Variants in HPSE2 observed in about 807,000 individuals in gnomAD.
HPSE2 encodes inactive heparanase-2.
Under a neutral mutation model 60.5 loss-of-function variants are expected in HPSE2, and 38 were observed. The observed-to-expected ratio is 0.63, with a 90% CI of 0.48 to 0.82. HPSE2 has a LOEUF of 0.82. Ranked by LOEUF, HPSE2 falls within the 40% of genes least tolerant of loss-of-function variation. The probability of loss-of-function intolerance (pLI) is 0.00; values close to 1 mark genes in which losing one functional copy is unlikely to be tolerated. For synonymous variants in HPSE2, 295 were observed against 293.2 expected, an observed-to-expected ratio of 1.01 and a Z score of -0.06; for missense variants, 713 against 740.4, an observed-to-expected ratio of 0.96 and a Z score of 0.43.
Position 98,935,471 on chromosome 10 carries a change from T to C in HPSE2, c.611-191415A>G, listed in dbSNP as rs529911560. 1.4e-5 allele frequency among the ~76,000 whole-genome samples: 2 copies of C among 143,450 alleles called. 1 individual carries two copies. The highest frequency in any genetic ancestry group is 3.0e-5 in the Non-Finnish European group (2 of 66,838). The allele number at this position is 143,450 out of a possible 152,430, so 94.1% of individuals were successfully genotyped here. Reference sequence around the variant, plus strand: ...TGACAACCTTTGGATAGGGTTTTTGTGGGGTCTTTTTTGTTGATGTTGATT... The same window carrying C: ...TGACAACCTTTGGATAGGGTTTTTGCGGGGTCTTTTTTGTTGATGTTGATT... On this transcript the variant is annotated intron_variant, in intron 3 of 11. Transcript: ENST00000370552.
intron 9 of HPSE2, among the ~76,000 whole-genome samples, chr10:98,561,287 C>T (rs674740): frequency 0.05 from 7,553 of 151,780 alleles, 197 homozygotes; most frequent in South Asian, 0.082. Flanking sequence ...CTGCCTCAGT[C>T]TCCCGAGTAG....
chr10:98,641,854 AT>A lies in HPSE2; in HGVS notation c.1090del (p.Ile364PhefsTer20). 1 of 1,612,282 alleles carries A rather than the reference AT, an allele frequency of 6.2e-7. No individual in the cohort carries two copies. The highest frequency in any genetic ancestry group is 8.5e-7 in the Non-Finnish European group (1 of 1,178,510). On this transcript the variant is annotated frameshift_variant, in exon 7 of 12. Transcript: ENST00000370552. LOFTEE classifies it high-confidence loss of function. Reference sequence around the variant, plus strand: ...CAGGATACTTTTACTCACTTTCTGAATTTTCCTAATCTGGTCAGAGAGTGTG... The same window carrying A: ...CAGGATACTTTTACTCACTTTCTGAATTTCCTAATCTGGTCAGAGAGTGTG... ...LDTLSDQIRKIQKVVNTYTPG... is the reference protein window; with the variant it reads ...LDTLSDQIRKXQKVVNTYTPG...
At chr10:98,919,595 G>C (rs533152048) in intron 3 of HPSE2, among the ~76,000 whole-genome samples, 1 of 152,120 alleles carries the variant, frequency 6.6e-6, no homozygotes, top group African/African-American at 2.4e-5. Context: ...ATATATTCAA[G>C]AGATAAAATT....
intron 2 of HPSE2, among the ~76,000 whole-genome samples, chr10:99,198,514 A>T (rs1482807430): frequency 6.6e-6 from 1 of 152,196 alleles, no homozygotes; most frequent in Admixed American, 6.5e-5. Context: ...AGAGCTTACA[A>T]CTGAGTTATG....
chr10:98,828,611 A>C (rs1323094278), intron 3 of HPSE2, among the ~76,000 whole-genome samples: 3 of 152,248 alleles, frequency 2.0e-5, no homozygotes, highest in Non-Finnish European at 4.4e-5. Flanking sequence ...TTCAACCATC[A>C]CTAATCATTC....
At chr10:98,868,620 A>T (rs764834366) in intron 3 of HPSE2, among the ~76,000 whole-genome samples, 4 of 152,180 alleles carry the variant, frequency 2.6e-5, no homozygotes, top group Admixed American at 2.0e-4. Flanking sequence ...CCCCATAAAT[A>T]TGTACACCTA....
the HPSE2 span, among the ~76,000 whole-genome samples, chr10:99,259,553 T>C: frequency 6.6e-6 from 1 of 152,258 alleles, no homozygotes; most frequent in South Asian, 2.1e-4. Flanking sequence ...TCATTAGTCA[T>C]TAAGAGAGTT....
At chr10:98,578,051 A>C (rs1944690495) in intron 9 of HPSE2, among the ~76,000 whole-genome samples, 2 of 152,162 alleles carry the variant, frequency 1.3e-5, no homozygotes, top group Non-Finnish European at 2.9e-5. Flanking sequence ...TACATCTTTA[A>C]AGAAAAGTTT....
chr10:98,721,916 TTAA>T, intron 4 of HPSE2, 88 bp from the exon 5 acceptor site: 1 of 1,085,104 alleles, frequency 9.2e-7, no homozygotes, highest in Non-Finnish European at 1.4e-6. Flanking sequence ...TGCCTTTTTC[TTAA>T]TAATATGAAA....
intron 4 of HPSE2, among the ~76,000 whole-genome samples, chr10:98,725,687 T>C (rs182534805): frequency 2.6e-5 from 4 of 152,170 alleles, no homozygotes; most frequent in African/African-American, 9.6e-5. Context: ...GAAACCACCA[T>C]CAGAGTGAAC....
intron 2 of HPSE2, among the ~76,000 whole-genome samples, chr10:99,175,463 G>C (rs1462563157): frequency 1.3e-5 from 2 of 152,316 alleles, no homozygotes; most frequent in East Asian, 3.9e-4. Flanking sequence ...ACTGAGGCTT[G>C]AGTAGGTGGT....
intron 8 of HPSE2, among the ~76,000 whole-genome samples, chr10:98,619,018 A>G (rs1248111003): frequency 6.6e-6 from 1 of 152,224 alleles, no homozygotes; most frequent in East Asian, 1.9e-4. Context: ...GGAAGACCCA[A>G]GGTATCACTG....
chr10:98,754,403 G>A (rs1266904692), intron 3 of HPSE2, among the ~76,000 whole-genome samples: 2 of 152,004 alleles, frequency 1.3e-5, no homozygotes, highest in East Asian at 2.0e-4. Context: ...CTTGAAAGGA[G>A]AGAGAGAGCA....
At chr10:98,731,782 C>A (rs1312708990) in intron 4 of HPSE2, among the ~76,000 whole-genome samples, 1 of 152,102 alleles carries the variant, frequency 6.6e-6, no homozygotes, top group African/African-American at 2.4e-5. Flanking sequence ...CCAGTGCAGT[C>A]AGGCAAGGGA....
At chr10:98,960,731 TTTTATTTTA>T (rs1564692809) in intron 3 of HPSE2, among the ~76,000 whole-genome samples, 3 of 21,310 alleles carry the variant, frequency 1.4e-4, no homozygotes, top group African/African-American at 1.7e-4. Context: ...GTTTTATTTT[TTTTATTTTA>T]TTTTTTTTTT....
At chr10:99,295,048 T>C in the HPSE2 span, among the ~76,000 whole-genome samples, 1 of 152,242 alleles carries the variant, frequency 6.6e-6, no homozygotes, top group Non-Finnish European at 1.5e-5. Flanking sequence ...GAGATGTTCA[T>C]AATAGCATAA....
chr10:98,631,748 G>A (rs1946370884), intron 7 of HPSE2, among the ~76,000 whole-genome samples: 1 of 152,176 alleles, frequency 6.6e-6, no homozygotes, highest in East Asian at 1.9e-4. Context: ...CACTGACCAA[G>A]AGCCTGTGCA....
In HPSE2 at chr10:98,804,287, C is replaced by T. The variant is rs566232415; in HGVS notation, c.611-60231G>A. Among the ~76,000 whole-genome samples the T allele has an allele frequency of 8.5e-4, 130 of 152,080 alleles. 1 individual carries two copies. Among genetic ancestry groups the T allele is most frequent in the African/African-American group, 3.1e-3 (128 of 41,492 alleles). On this transcript the variant is annotated intron_variant, in intron 3 of 11. Transcript: ENST00000370552. ...AAGCAAAAATGGACAAATGGGATCA[C>T]ACCAAGTTAAAACACTTTTGCACAG...
intron 3 of HPSE2, among the ~76,000 whole-genome samples, chr10:99,133,953 T>C (rs1005873351): frequency 1.3e-5 from 2 of 152,030 alleles, no homozygotes; most frequent in African/African-American, 4.8e-5. Flanking sequence ...TCTAACCCCA[T>C]GTAAGGAAGC....
Sources: allele counts gnomAD v4.1 joint callset (sites outside exome capture counted in the v4.1 genomes callset), GRCh38; gene constraint gnomAD v4.1.1; transcripts MANE v1.5; gene names NCBI Gene and HGNC (gene_info 2026-07-23, HGNC 2026-07-21).